Variants in IQCK observed in about 807,000 individuals in gnomAD.
IQCK encodes the protein IQ motif containing K, also known as IQ domain-containing protein K.
Under a neutral mutation model 28.1 loss-of-function variants are expected in IQCK, and 29 were observed. The ratio of observed to expected loss-of-function variants is 1.03; its 90% CI spans 0.77 to 1.41. The LOEUF is 1.41. IQCK is among the 40% of genes most tolerant of loss of function. The pLI, the probability that IQCK is intolerant of heterozygous loss-of-function variation, is 0.00. For missense variants in IQCK, 359 were observed against 314.7 expected (o/e 1.14, Z -1.07); for synonymous variants, 113 against 115.1 (o/e 0.98, Z 0.12).
chr16:19,827,639 T>C (rs989003281), downstream of IQCK, among the ~76,000 whole-genome samples: 5 of 152,166 alleles, frequency 3.3e-5, no homozygotes, highest in East Asian at 1.9e-4. Context: ...AGCATTTGAA[T>C]TGATTGACCA....
intron 6 of IQCK, among the ~76,000 whole-genome samples, chr16:19,768,240 A>G (rs1411089443): frequency 6.6e-6 from 1 of 152,170 alleles, no homozygotes; most frequent in Non-Finnish European, 1.5e-5. Flanking sequence ...GAAGTTGACC[A>G]TGAAGTGAGA....
downstream of IQCK, among the ~76,000 whole-genome samples, chr16:19,830,341 T>G (rs1182910780): frequency 1.3e-5 from 2 of 152,212 alleles, no homozygotes; most frequent in Non-Finnish European, 2.9e-5. Flanking sequence ...ATTGACTGAT[T>G]GGGCTCGCTT....
In IQCK at chr16:19,771,090, T is replaced by C. The variant is rs2055313897; in HGVS notation, c.605+6978T>C. Among the ~76,000 whole-genome samples the C allele has an allele frequency of 2.6e-5, 4 of 152,046 alleles. No homozygotes were observed. In the South Asian group the frequency reaches 8.3e-4, roughly 32 times the overall value. ...GTAAATATTCACAGGTTCTGGGAAT[T>C]TTTTGGGAGGGATGAGAGGGTGACA... On this transcript the variant is annotated intron_variant, in intron 6 of 7. Transcript: ENST00000564186.
At chr16:19,830,554 G>C (rs72769573), downstream of IQCK, among the ~76,000 whole-genome samples, 15,756 of 152,204 alleles carry the variant, frequency 0.1, 910 homozygotes, top group Non-Finnish European at 0.13. Flanking sequence ...CCCATGGATA[G>C]GTTCCCATAT....
intron 4 of IQCK, among the ~76,000 whole-genome samples, chr16:19,743,114 T>G (rs2054859822): frequency 6.6e-6 from 1 of 152,188 alleles, no homozygotes; most frequent in African/African-American, 2.4e-5. Context: ...AAGGTTGCAG[T>G]GAGCTGAGAT....
intron 1 of IQCK, among the ~76,000 whole-genome samples, chr16:19,720,118 G>C (rs1977445282): frequency 6.6e-6 from 1 of 152,206 alleles, no homozygotes; most frequent in Admixed American, 6.5e-5. Flanking sequence ...GGAGAATACA[G>C]AGAAGGAAGA....
At chr16:19,761,759 G>T (rs1234165539) in intron 4 of IQCK, 3 of 219,280 alleles carry the variant, frequency 1.4e-5, no homozygotes, top group African/African-American at 6.8e-5. Flanking sequence ...GGTTTACTAG[G>T]TATCTATCCC....
At chr16:19,831,601 A>G (rs1434919982), downstream of IQCK, among the ~76,000 whole-genome samples, 3 of 152,070 alleles carry the variant, frequency 2.0e-5, no homozygotes, top group Non-Finnish European at 4.4e-5. Flanking sequence ...GTTCTCCTTT[A>G]GACTTGCAAT....
chr16:19,772,122 G>A (rs1231053598), intron 6 of IQCK, among the ~76,000 whole-genome samples: 1 of 152,212 alleles, frequency 6.6e-6, no homozygotes, highest in African/African-American at 2.4e-5. Context: ...CCAGGGGATC[G>A]TAGGTACAAG....
rs572006274 is a variant in IQCK at position 19,803,537 on chromosome 16, AGTTTT to A, written c.690+14616_690+14620del. On this transcript the variant is annotated intron_variant, in intron 7 of 7. Coordinates refer to ENST00000564186, the Ensembl canonical transcript of IQCK. Reference sequence around the variant, plus strand: ...ATTGGAATTGACTTTGCTACCTACCAGTTTTATGATTCAGGAGAAATCACTGAATG... The same window carrying A: ...ATTGGAATTGACTTTGCTACCTACCAATGATTCAGGAGAAATCACTGAATG... 1.4e-4 allele frequency among the ~76,000 whole-genome samples: 21 copies of A among 152,314 alleles called. No homozygotes were observed. In the South Asian group the frequency reaches 4.3e-3, roughly 32 times the overall value.
chr16:19,853,634 C>T (rs2056514559), intron 9 of IQCK, among the ~76,000 whole-genome samples: 1 of 152,020 alleles, frequency 6.6e-6, no homozygotes, highest in African/African-American at 2.4e-5. Context: ...CTATCTCTCT[C>T]TCTCTTTTTC....
chr16:19,758,297 T>A (rs925686954), intron 4 of IQCK, among the ~76,000 whole-genome samples: 2 of 152,222 alleles, frequency 1.3e-5, no homozygotes, highest in African/African-American at 4.8e-5. Context: ...ATCCCCACTG[T>A]TCCACATGTC....
chr16:19,828,380 C>G (rs1240733551), downstream of IQCK, among the ~76,000 whole-genome samples: 1 of 150,390 alleles, frequency 6.6e-6, no homozygotes, highest in African/African-American at 2.4e-5. Flanking sequence ...ATTACAGGTG[C>G]CTGCCACCAT....
Position 19,850,355 on chromosome 16 carries a change from G to A in IQCK, c.803-6132G>A, listed in dbSNP as rs548026083. Among the ~76,000 whole-genome samples the A allele has an allele frequency of 4.6e-5, 7 of 152,262 alleles. No homozygotes were observed. The South Asian group carries it at 1.4e-3, about 32-fold the overall frequency. ...CTTCAGTCTCCCTACCTGTAAAACT[G>A]GGGAAAATAATAGCACTTAGCTCAC... is the stretch of plus-strand genomic sequence containing the variant. On this transcript the variant is annotated intron_variant, in intron 9 of 9. Coordinates refer to the IQCK transcript ENST00000320394.
chr16:19,731,515 G>T (rs1977837451), intron 2 of IQCK, among the ~76,000 whole-genome samples: 1 of 152,134 alleles, frequency 6.6e-6, no homozygotes, highest in South Asian at 2.1e-4. Flanking sequence ...AAATTTCTCT[G>T]CAGATACAAA....
intron 9 of IQCK, among the ~76,000 whole-genome samples, chr16:19,838,450 G>C (rs577871790): frequency 3.3e-5 from 5 of 152,212 alleles, no homozygotes; most frequent in South Asian, 2.1e-4. Flanking sequence ...CTGGAAGGAG[G>C]CTCCTCCTGT....
At chr16:19,743,041 C>A (rs1201455380) in intron 4 of IQCK, among the ~76,000 whole-genome samples, 3 of 152,208 alleles carry the variant, frequency 2.0e-5, no homozygotes, top group African/African-American at 7.2e-5. Flanking sequence ...CATGGTGGCA[C>A]GTGCCTGTAA....
chr16:19,776,785 T>C (rs1430164993), intron 6 of IQCK, among the ~76,000 whole-genome samples: 1 of 152,202 alleles, frequency 6.6e-6, no homozygotes, highest in East Asian at 1.9e-4. Flanking sequence ...GTTTTTGTTC[T>C]TACCTTTTAA....
chr16:19,765,462 C>T (rs927731354), intron 6 of IQCK, among the ~76,000 whole-genome samples: 2 of 151,844 alleles, frequency 1.3e-5, no homozygotes, highest in East Asian at 1.9e-4. Context: ...CGCTTGAACC[C>T]GGGTGGTAGA....
Sources: gnomAD v4.1 joint callset for allele counts (sites outside exome capture counted in the v4.1 genomes callset) on GRCh38, gnomAD v4.1.1 for gene constraint, MANE v1.5 for transcripts, NCBI Gene and HGNC (gene_info 2026-07-23, HGNC 2026-07-21) for gene names.